HNRNPUL1: variants seen among roughly 807,000 people sequenced by gnomAD.
HNRNPUL1 encodes the protein heterogeneous nuclear ribonucleoprotein U like 1, also known as heterogeneous nuclear ribonucleoprotein U-like protein 1.
HNRNPUL1 carries 14 observed loss-of-function variants against 108.5 expected under a neutral mutation model. The ratio of observed to expected loss-of-function variants is 0.13; its 90% CI spans 0.09 to 0.20. HNRNPUL1 has a LOEUF of 0.20. Among genes scored for constraint, HNRNPUL1 ranks in the 10% least tolerant of loss-of-function variants. The pLI is 1.00. For synonymous variants in HNRNPUL1, 422 were observed against 445.2 expected (o/e 0.95, Z 0.66); for missense variants, 804 against 1,168.3 (o/e 0.69, Z 4.55).
At chr19:41,289,253 A>T (rs186063933) in intron 7 of HNRNPUL1, among the ~76,000 whole-genome samples, 1 of 152,340 alleles carries the variant, frequency 6.6e-6, no homozygotes, top group Admixed American at 6.5e-5. Flanking sequence ...AAAAAGGCTC[A>T]GGGTGAGGAG....
At chr19:41,295,045 A>T (rs1041972407) in intron 10 of HNRNPUL1, among the ~76,000 whole-genome samples, 1 of 152,160 alleles carries the variant, frequency 6.6e-6, no homozygotes, top group African/African-American at 2.4e-5. Flanking sequence ...TATTCTCTGA[A>T]TCTCCATCTC....
intron 7 of HNRNPUL1, among the ~76,000 whole-genome samples, chr19:41,290,841 G>A (rs1291783509): frequency 6.6e-6 from 1 of 152,148 alleles, no homozygotes; most frequent in Admixed American, 6.5e-5. Flanking sequence ...TGGATCACCT[G>A]AGGTCAGGAG....
chr19:41,302,567 C>G (rs780724276), intron 11 of HNRNPUL1, 98 bp from the exon 12 acceptor site: 4 of 1,446,372 alleles, frequency 2.8e-6, no homozygotes, highest in Non-Finnish European at 3.9e-6. Context: ...TTCACCTTCT[C>G]CCTTCTGGAA....
At chr19:41,285,192 C>T (rs780750698) in intron 7 of HNRNPUL1, among the ~76,000 whole-genome samples, 1 of 152,040 alleles carries the variant, frequency 6.6e-6, no homozygotes, top group South Asian at 2.1e-4. Flanking sequence ...CTTCTGCCAA[C>T]GAAGAGGCAA....
chr19:41,305,677 C>G lies in HNRNPUL1; in HGVS notation c.2264C>G (p.Pro755Arg), dbSNP rs752165954. The G allele has an allele frequency of 1.2e-6, 2 of 1,614,102 alleles. No homozygotes were observed. The highest frequency in any genetic ancestry group is 1.1e-5 in the South Asian group (1 of 91,086). ...PTVSSYSPPQPSYSQPPYNQG... is the reference protein window; with the variant it reads ...PTVSSYSPPQRSYSQPPYNQG... ...GGCTTTTTTCCCTCCACTTTCCAGC[C>G]GAGTTACAGCCAGCCACCCTACAAC... Residue 755 changes from proline (P) to arginine (R), a missense_variant and splice_region_variant, in exon 14 of 15, where the codon CCG (proline) becomes CGG (arginine). This residue lies in a region of HNRNPUL1 where 294 missense variants were observed against 388.3 expected (regional missense o/e 0.76). Coordinates refer to ENST00000392006, the MANE Select transcript of HNRNPUL1 (RefSeq NM_007040.6).
intron 3 of HNRNPUL1, among the ~76,000 whole-genome samples, 192 bp from the exon 4 acceptor site, chr19:41,273,790 T>C (rs1192019667): frequency 6.6e-6 from 1 of 152,206 alleles, no homozygotes; most frequent in East Asian, 1.9e-4. Context: ...GTCTCCACCG[T>C]AGGAGTTGAC....
Position 41,294,819 on chromosome 19 carries a change from C to A in HNRNPUL1, c.1518+133C>A, listed in dbSNP as rs1330534005. ...TGCTGTGCTAGTCGGGGGGGTCAGA[C>A]CTTGTCATACATGATGACATGGTAC... On this transcript the variant is annotated intron_variant, in intron 10 of 14. Coordinates refer to ENST00000392006, the MANE Select transcript of HNRNPUL1 (RefSeq NM_007040.6). This position sits in a 1 kb window ranked among gnomAD's most constrained non-coding sequence, Gnocchi z 4.3. 3 of 1,020,636 alleles carry A rather than the reference C, an allele frequency of 2.9e-6. No homozygotes were observed. The highest frequency in any genetic ancestry group is 5.1e-5 in the East Asian group (2 of 39,274). The allele number at this position is 1,020,636 out of a possible 1,614,324, so 63.2% of individuals were successfully genotyped here. A position where few individuals can be genotyped will look rare whatever the true frequency, so the allele number is the denominator to read the frequency against.
chr19:41,275,409 C>T (rs964050178), intron 4 of HNRNPUL1, among the ~76,000 whole-genome samples: 4 of 151,870 alleles, frequency 2.6e-5, no homozygotes, highest in East Asian at 1.9e-4. Context: ...ATGGCTTAAG[C>T]GCAGGAGAAC....
chr19:41,266,916 T>G (rs933099934), intron 1 of HNRNPUL1, among the ~76,000 whole-genome samples: 1 of 152,136 alleles, frequency 6.6e-6, no homozygotes, highest in African/African-American at 2.4e-5. Flanking sequence ...GGCCTGTGTG[T>G]GTGTCTAGAG....
chr19:41,290,518 T>G (rs1298117177), intron 7 of HNRNPUL1, among the ~76,000 whole-genome samples: 1 of 152,110 alleles, frequency 6.6e-6, no homozygotes, highest in Non-Finnish European at 1.5e-5. Context: ...CCGTGTCCCC[T>G]CCCACCACTT....
chr19:41,305,766 A>G lies in HNRNPUL1; in HGVS notation c.2353A>G (p.Asn785Asp), dbSNP rs1048122708. ...PPPPPPPPAY[N>D]YGSYGGYNPA... ...TCCACCTCCACCACCACCTGCCTACAACTATGGGAGCTACGGCGGTTACAA... is the reference window on the plus strand; with the variant it reads ...TCCACCTCCACCACCACCTGCCTACGACTATGGGAGCTACGGCGGTTACAA... Residue 785 changes from asparagine to aspartate, a missense_variant, in exon 14 of 15, where the codon AAC (asparagine) becomes GAC (aspartate). By Grantham distance (23) the Asn-to-Asp change is conservative. Transcript: ENST00000392006. The G allele has an allele frequency of 6.2e-7, 1 of 1,613,574 alleles. No individual in the cohort carries two copies. Among genetic ancestry groups the G allele is most frequent in the Non-Finnish European group, 8.5e-7 (1 of 1,179,806 alleles).
intron 13 of HNRNPUL1, 117 bp downstream of exon 13, chr19:41,304,378 C>T: frequency 6.8e-7 from 1 of 1,480,428 alleles, no homozygotes; most frequent in Non-Finnish European, 9.0e-7. Flanking sequence ...CTGGTCTTCA[C>T]TCTAACCTCT....
At chr19:41,287,025 A>G (rs1333072709) in intron 7 of HNRNPUL1, among the ~76,000 whole-genome samples, 1 of 149,514 alleles carries the variant, frequency 6.7e-6, no homozygotes, top group African/African-American at 2.5e-5. Context: ...GTCGGTGTGT[A>G]CCCTTTTTGA....
intron 1 of HNRNPUL1, chr19:41,267,965 C>T: frequency 3.0e-6 from 1 of 334,672 alleles, no homozygotes; most frequent in South Asian, 4.5e-5. Context: ...ACTTTGTAGC[C>T]TTCAACACAA....
chr19:41,264,475 G>A lies in HNRNPUL1; in HGVS notation c.-29G>A, dbSNP rs955371124. The A allele has an allele frequency of 3.3e-5, 44 of 1,344,986 alleles. No individual in the cohort carries two copies. The highest frequency in any genetic ancestry group is 4.2e-5 in the Non-Finnish European group (44 of 1,047,888). The allele number at this position is 1,344,986 out of a possible 1,614,324, so 83.3% of individuals were successfully genotyped here. ...ACAGAGCCCTGGGAGGCCGGGCCGG[G>A]CTCGGGGGCCACCCCGGGGGCCCGG... On this transcript the variant is annotated 5_prime_UTR_variant, in exon 1 of 15. Coordinates refer to ENST00000392006, the MANE Select transcript of HNRNPUL1 (RefSeq NM_007040.6).
intron 1 of HNRNPUL1, chr19:41,265,217 G>C (rs2034750150): frequency 7.9e-6 from 12 of 1,514,872 alleles, no homozygotes; most frequent in African/African-American, 1.4e-5. Context: ...CGTGTGGGCT[G>C]GGGGGTGGGG....
At chr19:41,301,743 G>A (rs1599852008) in intron 11 of HNRNPUL1, 39 bp downstream of exon 11, 2 of 1,543,012 alleles carry the variant, frequency 1.3e-6, no homozygotes, top group Non-Finnish European at 1.7e-6. Flanking sequence ...GTCAATGCAG[G>A]GTCCTGGAGA....
At chr19:41,267,793 T>C (rs571316905) in intron 1 of HNRNPUL1, among the ~76,000 whole-genome samples, 12 of 152,332 alleles carry the variant, frequency 7.9e-5, no homozygotes, top group African/African-American at 2.9e-4. Flanking sequence ...GCTGCAAGGT[T>C]CTTGAGGGAA....
upstream of HNRNPUL1, among the ~76,000 whole-genome samples, chr19:41,264,127 A>T (rs996531273): frequency 1.5e-4 from 23 of 152,170 alleles, no homozygotes; most frequent in African/African-American, 5.3e-4. Flanking sequence ...GGCGCGCGAG[A>T]GTTACCCAAT....
Sources: gnomAD v4.1 joint callset for allele counts (sites outside exome capture counted in the v4.1 genomes callset) on GRCh38, gnomAD v4.1.1 for gene constraint, gnomAD v4.1.1 regional missense constraint, Gnocchi (gnomAD v3.1) non-coding constraint, MANE v1.5 for transcripts, NCBI Gene and HGNC (gene_info 2026-07-23, HGNC 2026-07-21) for gene names.